FHAD1: variants seen among roughly 807,000 people sequenced by gnomAD.
The protein encoded by FHAD1 is forkhead-associated domain-containing protein 1.
In FHAD1, 146 loss-of-function variants were observed where a neutral mutation model predicts 191.3. The observed-to-expected ratio is 0.76, with a 90% confidence interval of 0.67 to 0.88. FHAD1 has a LOEUF of 0.88. Ranked by LOEUF, FHAD1 falls within the 40% of genes least tolerant of loss-of-function variation. FHAD1 has a pLI of 0.00. For missense variants in FHAD1, 1,635 were observed against 1,785.8 expected, an observed-to-expected ratio of 0.92 and a Z score of 1.52; for synonymous variants, 616 against 672.3, an observed-to-expected ratio of 0.92 and a Z score of 1.29.
intron 3 of FHAD1, among the ~76,000 whole-genome samples, chr1:15,281,604 A>G (rs543677108): frequency 6.6e-6 from 1 of 152,086 alleles, no homozygotes; most frequent in Non-Finnish European, 1.5e-5. Context: ...TACTAAAAAT[A>G]CAAAAAATTA....
intron 16 of FHAD1, 89 bp downstream of exon 16, chr1:15,341,977 G>A: frequency 8.5e-7 from 1 of 1,173,136 alleles, no homozygotes; most frequent in East Asian, 2.7e-5. Flanking sequence ...CTTAGACAGA[G>A]AAATCTCAGC....
chr1:15,382,100 C>T lies in FHAD1; in HGVS notation c.4095C>T (p.Ala1365=), dbSNP rs553056155. ...AKLEDDIYKE[A]EEKALLKEAL... is the part of the protein sequence containing the mutation. ...TGGAGGATGATATCTACAAAGAGGC[C>T]GAAGAGAAGGCCCTGCTGAAGGAGG... Residue 1365 remains alanine (A), a synonymous_variant, in exon 31 of 34, where the codon GCC becomes GCT. Transcript: ENST00000688493. The T allele has an allele frequency of 4.4e-5, 68 of 1,552,048 alleles. No individual in the cohort carries two copies. The South Asian group carries it at 5.1e-4, about 12-fold the overall frequency.
At chr1:15,386,233 G>A (rs949354183) in intron 31 of FHAD1, among the ~76,000 whole-genome samples, 2 of 152,344 alleles carry the variant, frequency 1.3e-5, no homozygotes, top group East Asian at 1.9e-4. Context: ...TCAGTTACTC[G>A]GTTACTGTGG....
At chr1:15,262,969 T>C (rs1651775135) in intron 2 of FHAD1, among the ~76,000 whole-genome samples, 1 of 152,190 alleles carries the variant, frequency 6.6e-6, no homozygotes, top group Admixed American at 6.5e-5. Context: ...CCAACACTTA[T>C]TTTCTGTGTT....
chr1:15,367,406 G>A (rs1696814666), intron 24 of FHAD1, 57 bp from the exon 25 acceptor site: 2 of 1,524,166 alleles, frequency 1.3e-6, no homozygotes, highest in Non-Finnish European at 1.8e-6. Flanking sequence ...TGAGGCAGGA[G>A]AATCACTTGA....
chr1:15,271,028 A>G (rs1655673068), intron 2 of FHAD1, among the ~76,000 whole-genome samples: 1 of 150,704 alleles, frequency 6.6e-6, no homozygotes, highest in Non-Finnish European at 1.5e-5. Flanking sequence ...AGTCCCAGCT[A>G]CTTGGGAGGC....
Position 15,392,396 on chromosome 1 carries a change from G to A in FHAD1, c.4323+1133G>A, listed in dbSNP as rs1281432875. 1.8e-4 allele frequency among the ~76,000 whole-genome samples: 28 copies of A among 152,306 alleles called. No homozygotes were observed. In the South Asian group the frequency reaches 2.7e-3, roughly 15 times the overall value. ...AAATACAAAAAATTAGCTGGGCATG[G>A]TGGCGGGCGCCTGTAGTCCCAGCTA... On this transcript the variant is annotated intron_variant, in intron 33 of 33. Coordinates refer to ENST00000688493, the MANE Select transcript of FHAD1 (RefSeq NM_001391957.1).
intron 20 of FHAD1, among the ~76,000 whole-genome samples, chr1:15,353,988 A>G (rs956370061): frequency 9.2e-5 from 14 of 152,150 alleles, no homozygotes; most frequent in Admixed American, 7.9e-4. Flanking sequence ...CACACACACA[A>G]TGACCAATAT....
At chr1:15,343,926 C>T (rs1024713224) in intron 16 of FHAD1, 2 of 152,234 alleles carry the variant, frequency 1.3e-5, no homozygotes, top group African/African-American at 2.4e-5. Context: ...TTTGGTATTT[C>T]AGCCCCACCA....
At position 15,396,742 on chromosome 1, in the gene FHAD1, C is replaced by T. The variant is rs1274769268; in HGVS notation, c.4324-555C>T. On this transcript the variant is annotated intron_variant, in intron 33 of 33. Coordinates refer to ENST00000688493, the MANE Select transcript of FHAD1 (RefSeq NM_001391957.1). ...GGAGAATCACTTGAATCCGTGAGGT[C>T]GAGGTTGCAGTGAGCAGAGATCATG... Among the ~76,000 whole-genome samples, 5 of 151,342 alleles carry T rather than the reference C, an allele frequency of 3.3e-5. No individual in the cohort carries two copies. The East Asian group carries it at 5.9e-4, about 18-fold the overall frequency.
At position 15,334,992 on chromosome 1, in the gene FHAD1, C is replaced by T. The variant is rs1219220347; in HGVS notation, c.1907-4489C>T. 4.6e-5 allele frequency among the ~76,000 whole-genome samples: 7 copies of T among 152,214 alleles called. No individual in the cohort carries two copies. In the East Asian group the frequency reaches 1.3e-3, roughly 29 times the overall value. ...CAACCTCAAACTCCCTGCTCTTGACCACCAGGCTACCTGCCTTTTAGAACA... is the reference window on the plus strand; with the variant it reads ...CAACCTCAAACTCCCTGCTCTTGACTACCAGGCTACCTGCCTTTTAGAACA... On this transcript the variant is annotated intron_variant, in intron 14 of 33. Transcript: ENST00000688493.
intron 33 of FHAD1, among the ~76,000 whole-genome samples, chr1:15,396,011 T>C (rs1705829250): frequency 6.6e-6 from 1 of 152,004 alleles, no homozygotes; most frequent in Admixed American, 6.6e-5. Flanking sequence ...GGTTTCAAAC[T>C]AAAAAATATG....
At chr1:15,347,579 A>G (rs570581205) in intron 18 of FHAD1, among the ~76,000 whole-genome samples, 1 of 152,282 alleles carries the variant, frequency 6.6e-6, no homozygotes, top group South Asian at 2.1e-4. Flanking sequence ...CCTCCCAAGT[A>G]GCTGGGACTA....
At chr1:15,336,679 T>C (rs535386565) in intron 14 of FHAD1, among the ~76,000 whole-genome samples, 4 of 152,350 alleles carry the variant, frequency 2.6e-5, no homozygotes, top group African/African-American at 9.6e-5. Flanking sequence ...CTCTTACTCC[T>C]GTCTTCACCT....
intron 8 of FHAD1, among the ~76,000 whole-genome samples, chr1:15,315,485 C>CTTT (rs34261315): frequency 3.4e-4 from 41 of 121,126 alleles, no homozygotes; most frequent in Non-Finnish European, 4.6e-4. Flanking sequence ...TGGGTGTTTC[C>CTTT]TTTTTTTTTT....
intron 4 of FHAD1, among the ~76,000 whole-genome samples, chr1:15,295,179 G>C (rs1666510804): frequency 1.3e-5 from 2 of 152,172 alleles, no homozygotes; most frequent in South Asian, 4.1e-4. Flanking sequence ...TCACTCACCA[G>C]CTGTGGGACC....
rs1458177657 is a variant in FHAD1, at chr1:15,374,852, T to TTGG, written c.3577+222_3577+223insGGT. Among the ~76,000 whole-genome samples the TTGG allele has an allele frequency of 2.5e-3, 261 of 106,394 alleles. 1 individual carries two copies. The highest frequency in any genetic ancestry group is 0.016 in the African/African-American group (243 of 15,516). The allele number at this position is 106,394 out of a possible 152,430, so 69.8% of individuals were successfully genotyped here. On this transcript the variant is annotated intron_variant, in intron 27 of 33. Coordinates refer to ENST00000688493, the MANE Select transcript of FHAD1 (RefSeq NM_001391957.1). ...ATGCATAACTCACTATTGTACGTTT[T>TTGG]TTTTTTTGTTTGTTTTTTTTTTTTG... is the stretch of plus-strand genomic sequence containing the variant.
chr1:15,354,864 T>G (rs1395719555), intron 20 of FHAD1, among the ~76,000 whole-genome samples: 2 of 152,148 alleles, frequency 1.3e-5, no homozygotes, highest in Non-Finnish European at 2.9e-5. Flanking sequence ...ACTTAGAGGA[T>G]TCTGCAAGAA....
intron 4 of FHAD1, among the ~76,000 whole-genome samples, chr1:15,293,732 AC>A (rs2100711602): frequency 6.6e-6 from 1 of 152,150 alleles, no homozygotes; most frequent in African/African-American, 2.4e-5. Context: ...AAACCAACAA[AC>A]AAAAAAACAA....
Sources: gnomAD v4.1 joint callset for allele counts (sites outside exome capture counted in the v4.1 genomes callset) on GRCh38, gnomAD v4.1.1 for gene constraint, MANE v1.5 for transcripts, NCBI Gene and HGNC (gene_info 2026-07-23, HGNC 2026-07-21) for gene names.